Variants in MTMR14 observed in about 807,000 individuals in gnomAD.
The protein encoded by MTMR14 is myotubularin related protein 14.
In MTMR14, 48 loss-of-function variants were observed where a neutral mutation model predicts 86.3. The observed-to-expected ratio is 0.56, with a 90% CI of 0.44 to 0.71. MTMR14 has a LOEUF of 0.71. Ranked by LOEUF, MTMR14 falls within the 30% of genes least tolerant of loss-of-function variation. MTMR14 has a pLI of 0.00. For synonymous variants in MTMR14, 366 were observed against 326.1 expected, an observed-to-expected ratio of 1.12 and a Z score of -1.32; for missense variants, 780 against 834.6, an observed-to-expected ratio of 0.93 and a Z score of 0.81.
chr3:9,665,221 G>T (rs2048177054), intron 3 of MTMR14, among the ~76,000 whole-genome samples: 1 of 150,304 alleles, frequency 6.7e-6, no homozygotes, highest in South Asian at 2.1e-4. Context: ...GGCAGAAGTT[G>T]CAGTGAGCCG....
At chr3:9,653,929 C>A in intron 2 of MTMR14, 160 bp downstream of exon 2, 2 of 956,740 alleles carry the variant, frequency 2.1e-6, no homozygotes, top group Non-Finnish European at 1.6e-6. Context: ...GTCAGACTGG[C>A]AAGGTGGCAT....
chr3:9,692,851 C>T (rs1452826853), intron 17 of MTMR14, among the ~76,000 whole-genome samples: 1 of 152,184 alleles, frequency 6.6e-6, no homozygotes, highest in Non-Finnish European at 1.5e-5. Context: ...GCAACGAGCT[C>T]TGTCTTAGGC....
intron 1 of MTMR14, among the ~76,000 whole-genome samples, chr3:9,651,744 C>T (rs938540872): frequency 1.3e-5 from 2 of 152,172 alleles, no homozygotes; most frequent in South Asian, 2.1e-4. Context: ...TGGCTCGCTG[C>T]AACTTCCACC....
intron 3 of MTMR14, among the ~76,000 whole-genome samples, chr3:9,666,554 A>G (rs757515735): frequency 1.5e-4 from 23 of 152,250 alleles, no homozygotes; most frequent in Admixed American, 2.0e-4. Flanking sequence ...ATGTTGACAT[A>G]ATGTCTTGGA....
intron 5 of MTMR14, among the ~76,000 whole-genome samples, 158 bp downstream of exon 5, chr3:9,669,650 T>G (rs915553915): frequency 1.3e-5 from 2 of 152,220 alleles, no homozygotes; most frequent in Admixed American, 1.3e-4. Flanking sequence ...CCCTGAAATA[T>G]GGCTGTTGAA....
At chr3:9,685,856 C>G (rs528239080) in intron 13 of MTMR14, among the ~76,000 whole-genome samples, 7 of 152,298 alleles carry the variant, frequency 4.6e-5, no homozygotes, top group Admixed American at 4.6e-4. Context: ...CCTTGCAATG[C>G]AGGTCTGGAG....
chr3:9,670,276 G>A (rs973082597), intron 5 of MTMR14, among the ~76,000 whole-genome samples: 3 of 152,198 alleles, frequency 2.0e-5, no homozygotes, highest in African/African-American at 4.8e-5. Context: ...TGAAAGCAGC[G>A]GCTCTGGCTT....
chr3:9,697,968 T>G, intron 18 of MTMR14, 102 bp downstream of exon 18: 1 of 1,509,754 alleles, frequency 6.6e-7, no homozygotes, highest in Non-Finnish European at 9.1e-7. Context: ...GCTCAGGAGC[T>G]GGCCTGGCCT....
intron 7 of MTMR14, among the ~76,000 whole-genome samples, chr3:9,675,911 G>A (rs1055252334): frequency 6.6e-6 from 1 of 152,146 alleles, no homozygotes; most frequent in African/African-American, 2.4e-5. Context: ...CTTTCTCCCA[G>A]TGAGGCTCCC....
chr3:9,689,848 A>G (rs2125323700), intron 16 of MTMR14, 116 bp from the exon 17 acceptor site: 1 of 1,045,050 alleles, frequency 9.6e-7, no homozygotes, highest in Non-Finnish European at 1.4e-6. Context: ...ATGTTTGCCA[A>G]CTCATGTGAT....
intron 17 of MTMR14, among the ~76,000 whole-genome samples, chr3:9,695,956 T>A (rs1010643828): frequency 3.9e-5 from 6 of 152,166 alleles, no homozygotes; most frequent in African/African-American, 1.4e-4. Flanking sequence ...TTTCTCCATC[T>A]AGAAACAAGG....
intron 2 of MTMR14, among the ~76,000 whole-genome samples, chr3:9,660,406 G>T (rs577872604): frequency 6.6e-6 from 1 of 151,990 alleles, no homozygotes; most frequent in Non-Finnish European, 1.5e-5. Context: ...TTACAGGCAC[G>T]CGCCACCACG....
At chr3:9,694,481 AAGATAGATTAGAT>A (rs1040193354) in intron 17 of MTMR14, among the ~76,000 whole-genome samples, 2 of 152,068 alleles carry the variant, frequency 1.3e-5, no homozygotes, top group African/African-American at 2.4e-5. Flanking sequence ...GCCAATACAA[AAGATAGATTAGAT>A]AGATAGATTG....
intron 2 of MTMR14, among the ~76,000 whole-genome samples, chr3:9,657,800 C>CG (rs1320555838): frequency 1.3e-5 from 2 of 152,098 alleles, no homozygotes; most frequent in African/African-American, 4.8e-5. Flanking sequence ...CCACTGGTCT[C>CG]GGCCTCCCAA....
At chr3:9,668,884 A>C in intron 4 of MTMR14, 90 bp downstream of exon 4, 1 of 1,341,638 alleles carries the variant, frequency 7.5e-7, no homozygotes, top group Non-Finnish European at 1.1e-6. Flanking sequence ...TCACGCCTGT[A>C]ATCTCAACAC....
intron 11 of MTMR14, 90 bp from the exon 12 acceptor site, chr3:9,684,798 C>A: frequency 1.3e-6 from 2 of 1,548,458 alleles, no homozygotes; most frequent in East Asian, 2.2e-5. Flanking sequence ...TCCGGGTGTT[C>A]TTCAGCCTGC....
intron 3 of MTMR14, among the ~76,000 whole-genome samples, chr3:9,667,295 C>T (rs957965101): frequency 2.6e-5 from 4 of 152,146 alleles, no homozygotes; most frequent in African/African-American, 9.7e-5. Flanking sequence ...TCAGCCCTTT[C>T]CTGTGGAAGC....
chr3:9,701,342 A>C lies in MTMR14; in HGVS notation c.1770-448A>C, dbSNP rs977812592. On this transcript the variant is annotated intron_variant, in intron 18 of 18. Coordinates refer to ENST00000296003, the MANE Select transcript of MTMR14 (RefSeq NM_001077525.3). The surrounding 1 kb of genome is among the most constrained non-coding windows in gnomAD (Gnocchi z 4.2). ...TACTGTGGGACGCCAAGGCAGGCGG[A>C]TCAGTTGAGTCCAGGAGTTTGAGAC... 6.6e-5 allele frequency: 16 copies of C among 241,550 alleles called. No individual in the cohort carries two copies. Among genetic ancestry groups the C allele is most frequent in the Non-Finnish European group, 8.2e-6 (1 of 121,678 alleles). 15.0% of individuals were successfully genotyped at this position (241,550 alleles called of 1,614,324 possible).
rs777756847 is a variant in MTMR14 at position 9,684,874 on chromosome 3, G to A, written c.1051-14G>A. On this transcript the variant is annotated splice_polypyrimidine_tract_variant and intron_variant, in intron 11 of 18. Transcript: ENST00000296003. ...AGAAGAGGGCTCTGTCACATCTCCTGTGGTCTCTTCCAGGATGGGCTCATC... is the reference window on the plus strand; with the variant it reads ...AGAAGAGGGCTCTGTCACATCTCCTATGGTCTCTTCCAGGATGGGCTCATC... 27 of 1,613,736 alleles carry A rather than the reference G, an allele frequency of 1.7e-5. No individual in the cohort carries two copies. The highest frequency in any genetic ancestry group is 2.1e-5 in the Non-Finnish European group (25 of 1,179,784).
Sources: gnomAD v4.1 joint callset for allele counts (sites outside exome capture counted in the v4.1 genomes callset) on GRCh38, gnomAD v4.1.1 for gene constraint, Gnocchi (gnomAD v3.1) non-coding constraint, MANE v1.5 for transcripts, NCBI Gene and HGNC (gene_info 2026-07-23, HGNC 2026-07-21) for gene names.